FTCDNL1: variants seen among roughly 807,000 people sequenced by gnomAD.
FTCDNL1 encodes formiminotransferase N-terminal subdomain-containing protein.
Under a neutral mutation model 5.9 loss-of-function variants are expected in FTCDNL1, and 11 were observed. The ratio of observed to expected loss-of-function variants is 1.87; its 90% CI spans 1.18 to 3.10. The LOEUF is 3.10. Ranked by LOEUF, FTCDNL1 falls within the 30% of genes most tolerant of loss-of-function variation. The probability of loss-of-function intolerance (pLI) is 0.00; values close to 1 mark genes in which losing one functional copy is unlikely to be tolerated. For synonymous variants in FTCDNL1, 58 were observed against 24.8 expected, an observed-to-expected ratio of 2.34 and a Z score of -3.99; for missense variants, 115 against 65.5, an observed-to-expected ratio of 1.76 and a Z score of -2.61.
intron 3 of FTCDNL1, among the ~76,000 whole-genome samples, chr2:199,780,242 G>A (rs984708771): frequency 3.3e-5 from 5 of 152,112 alleles, no homozygotes; most frequent in African/African-American, 1.2e-4. Flanking sequence ...GGGGGCTGCT[G>A]GGCCCTTATA....
At chr2:199,795,335 C>T (rs761693020) in intron 3 of FTCDNL1, among the ~76,000 whole-genome samples, 4 of 152,174 alleles carry the variant, frequency 2.6e-5, no homozygotes, top group Non-Finnish European at 5.9e-5. Context: ...TTTCTTCCAG[C>T]TGAGCCTCGA....
chr2:199,791,226 G>A (rs1699910221), intron 3 of FTCDNL1, among the ~76,000 whole-genome samples: 1 of 151,736 alleles, frequency 6.6e-6, no homozygotes, highest in African/African-American at 2.4e-5. Flanking sequence ...GAAAATAGAG[G>A]AAAAAATTTA....
chr2:199,809,158 G>A (rs1700888556), downstream of FTCDNL1, among the ~76,000 whole-genome samples: 1 of 151,034 alleles, frequency 6.6e-6, no homozygotes. Flanking sequence ...TGGAATTCCA[G>A]AATAATATAA....
the FTCDNL1 span, among the ~76,000 whole-genome samples, chr2:199,732,958 A>C: frequency 0.082 from 12,435 of 152,190 alleles, 1,047 homozygotes; most frequent in African/African-American, 0.19. Flanking sequence ...TTTGTTCACA[A>C]TTGAGTTGGG....
At chr2:199,848,236 T>C (rs2076781233) in intron 2 of FTCDNL1, among the ~76,000 whole-genome samples, 1 of 152,242 alleles carries the variant, frequency 6.6e-6, no homozygotes, top group East Asian at 1.9e-4. Flanking sequence ...TCTTTCATAG[T>C]AATACTGGCC....
At chr2:199,796,514 A>G (rs1700177679) in intron 3 of FTCDNL1, among the ~76,000 whole-genome samples, 1 of 152,312 alleles carries the variant, frequency 6.6e-6, no homozygotes. Context: ...TTGAATTACA[A>G]TTAAGAGACT....
the FTCDNL1 span, among the ~76,000 whole-genome samples, chr2:199,723,304 A>G: frequency 6.6e-6 from 1 of 152,134 alleles, no homozygotes; most frequent in Non-Finnish European, 1.5e-5. Context: ...GGGGTTTTCT[A>G]GTTATAGGAT....
chr2:199,685,693 C>T, the FTCDNL1 span, among the ~76,000 whole-genome samples: 2 of 152,256 alleles, frequency 1.3e-5, no homozygotes, highest in East Asian at 3.9e-4. Flanking sequence ...GTTCCTAATC[C>T]AACACTATGG....
At chr2:199,674,769 A>T in the FTCDNL1 span, among the ~76,000 whole-genome samples, 2 of 152,216 alleles carry the variant, frequency 1.3e-5, no homozygotes, top group African/African-American at 4.8e-5. Context: ...TTTATTTCTC[A>T]TGCTGCCGGG....
chr2:199,718,504 T>C, the FTCDNL1 span, among the ~76,000 whole-genome samples: 1 of 152,232 alleles, frequency 6.6e-6, no homozygotes, highest in Non-Finnish European at 1.5e-5. Context: ...AGTGATGCAA[T>C]TAACATAGAA....
At chr2:199,671,355 A>C in the FTCDNL1 span, among the ~76,000 whole-genome samples, 1 of 151,994 alleles carries the variant, frequency 6.6e-6, no homozygotes, top group Non-Finnish European at 1.5e-5. Flanking sequence ...CCCAAGAAGC[A>C]TATGCTTATG....
At chr2:199,707,932 C>T in the FTCDNL1 span, among the ~76,000 whole-genome samples, 6 of 151,828 alleles carry the variant, frequency 4.0e-5, no homozygotes, top group Admixed American at 1.3e-4. Context: ...TTTTTCTTTA[C>T]ATTTGTACTG....
At chr2:199,752,827 A>G in the FTCDNL1 span, among the ~76,000 whole-genome samples, 1 of 151,240 alleles carries the variant, frequency 6.6e-6, no homozygotes, top group Non-Finnish European at 1.5e-5. Flanking sequence ...GGAGATATAT[A>G]GATAGAGAGA....
intron 3 of FTCDNL1, among the ~76,000 whole-genome samples, chr2:199,798,764 T>C (rs4353632): frequency 0.67 from 101,916 of 152,128 alleles, 34,905 homozygotes; most frequent in East Asian, 0.85. Flanking sequence ...AACAATCTTA[T>C]GGATTGCTTA....
the FTCDNL1 span, among the ~76,000 whole-genome samples, chr2:199,719,056 C>T: frequency 6.6e-6 from 1 of 151,972 alleles, no homozygotes; most frequent in South Asian, 2.1e-4. Flanking sequence ...AATTAAGTCC[C>T]ATTTGTCTAT....
At chr2:199,700,774 A>G in the FTCDNL1 span, among the ~76,000 whole-genome samples, 1 of 152,186 alleles carries the variant, frequency 6.6e-6, no homozygotes, top group South Asian at 2.1e-4. Context: ...ATTGACAATA[A>G]CAAGCAATGG....
the FTCDNL1 span, among the ~76,000 whole-genome samples, chr2:199,711,538 C>T: frequency 6.6e-6 from 1 of 152,020 alleles, no homozygotes; most frequent in South Asian, 2.1e-4. Context: ...TGTTATGGAC[C>T]TACCTTATTC....
At chr2:199,712,787 A>G in the FTCDNL1 span, among the ~76,000 whole-genome samples, 1 of 152,106 alleles carries the variant, frequency 6.6e-6, no homozygotes, top group South Asian at 2.1e-4. Context: ...CTGTCATCAC[A>G]TGGCATTCTC....
the FTCDNL1 span, among the ~76,000 whole-genome samples, chr2:199,723,593 G>A: frequency 5.9e-5 from 9 of 152,052 alleles, no homozygotes; most frequent in East Asian, 1.5e-3. Flanking sequence ...TTTAACATGA[G>A]GGGACGTTCA....
Sources: allele counts gnomAD v4.1 joint callset (sites outside exome capture counted in the v4.1 genomes callset), GRCh38; gene constraint gnomAD v4.1.1; transcripts MANE v1.5; gene names NCBI Gene and HGNC (gene_info 2026-07-23, HGNC 2026-07-21).